The following HIVEP1 variants were observed in gnomAD, a reference collection of about 807,000 sequenced individuals.
HIVEP1 encodes the protein HIVEP zinc finger 1, also known as zinc finger protein 40.
Under a neutral mutation model 180.0 loss-of-function variants are expected in HIVEP1, and 36 were observed. The observed-to-expected ratio is 0.20, with a 90% confidence interval of 0.15 to 0.26. HIVEP1 has a LOEUF of 0.26. Among genes scored for constraint, HIVEP1 ranks in the 10% least tolerant of loss-of-function variants. HIVEP1 has a pLI of 1.00. For missense variants in HIVEP1, 3,143 were observed against 3,268.7 expected, an observed-to-expected ratio of 0.96 and a Z score of 0.94; for synonymous variants, 1,239 against 1,239.0, an observed-to-expected ratio of 1.00 and a Z score of 0.00.
At chr6:12,096,014 G>A (rs1042770334) in intron 3 of HIVEP1, among the ~76,000 whole-genome samples, 5 of 151,914 alleles carry the variant, frequency 3.3e-5, no homozygotes, top group African/African-American at 1.2e-4. Flanking sequence ...CATAGAGAAA[G>A]GTAGAGACTT....
intron 2 of HIVEP1, chr6:12,037,745 G>A: frequency 2.3e-6 from 1 of 428,636 alleles, no homozygotes; most frequent in Non-Finnish European, 4.2e-6. Flanking sequence ...CTTTTGCTCA[G>A]GCTGGAGTGC....
At chr6:12,100,185 T>A (rs1367568933) in intron 3 of HIVEP1, among the ~76,000 whole-genome samples, 1 of 152,242 alleles carries the variant, frequency 6.6e-6, no homozygotes, top group African/African-American at 2.4e-5. Context: ...CATTTCCCTG[T>A]TCTGGTAATA....
intron 3 of HIVEP1, among the ~76,000 whole-genome samples, chr6:12,110,772 T>G (rs970471110): frequency 6.6e-6 from 1 of 152,260 alleles, no homozygotes; most frequent in East Asian, 1.9e-4. Flanking sequence ...TCAATAACTT[T>G]GCCTTTGCAT....
Position 12,164,020 on chromosome 6 carries a change from A to G in HIVEP1, c.7716A>G (p.Pro2572=). The G allele has an allele frequency of 6.2e-7, 1 of 1,614,156 alleles. No homozygotes were observed. Among genetic ancestry groups the G allele is most frequent in the Non-Finnish European group, 8.5e-7 (1 of 1,180,044 alleles). The part of the protein sequence containing the change: ...AVDAQGAPEM[P]ASQSKACETQ... The stretch of plus-strand genomic sequence containing the variant: ...ATGCACAGGGAGCTCCAGAAATGCC[A>G]GCTTCCCAAAGCAAAGCATGCGAGA... The change falls in exon 9 of 9, where the codon CCA becomes CCG. Residue 2572 remains proline, a synonymous_variant. Transcript: ENST00000379388.
the HIVEP1 span, among the ~76,000 whole-genome samples, chr6:12,202,148 T>C: frequency 3.8e-4 from 58 of 152,200 alleles, 1 homozygote; most frequent in African/African-American, 1.2e-3. Flanking sequence ...TTTTCTTCTA[T>C]ATTTTATTTT....
At chr6:12,136,894 A>C (rs890136976) in intron 7 of HIVEP1, among the ~76,000 whole-genome samples, 3 of 152,216 alleles carry the variant, frequency 2.0e-5, no homozygotes, top group Non-Finnish European at 2.9e-5. Flanking sequence ...AGAAAAAAAA[A>C]ATTGAAAAAG....
intron 2 of HIVEP1, among the ~76,000 whole-genome samples, chr6:12,042,647 A>G (rs1045200545): frequency 5.3e-5 from 8 of 152,020 alleles, no homozygotes; most frequent in South Asian, 4.1e-4. Flanking sequence ...CATGTTTTCT[A>G]TTCTAACCTG....
At chr6:12,043,787 C>T (rs542335622) in intron 2 of HIVEP1, among the ~76,000 whole-genome samples, 1 of 152,262 alleles carries the variant, frequency 6.6e-6, no homozygotes, top group African/African-American at 2.4e-5. Context: ...TCAGCGTCCC[C>T]TTGCTGTGTT....
chr6:12,177,036 C>T, the HIVEP1 span, among the ~76,000 whole-genome samples: 1 of 152,158 alleles, frequency 6.6e-6, no homozygotes, highest in Admixed American at 6.5e-5. Context: ...AGCTGGAGGC[C>T]ATTAACTTCA....
intron 2 of HIVEP1, among the ~76,000 whole-genome samples, chr6:12,031,854 C>T (rs558978773): frequency 6.6e-6 from 1 of 152,226 alleles, no homozygotes; most frequent in South Asian, 2.1e-4. Flanking sequence ...TGCTGCATTT[C>T]CTATGAATGT....
the HIVEP1 span, among the ~76,000 whole-genome samples, chr6:12,193,380 G>A: frequency 1.4e-4 from 22 of 152,204 alleles, no homozygotes; most frequent in Middle Eastern, 3.4e-3. Context: ...TTCCATGAAG[G>A]ATGATTACAG....
Position 12,078,176 on chromosome 6 carries a change from A to T in HIVEP1, c.41-11008A>T, listed in dbSNP as rs183181653. On this transcript the variant is annotated intron_variant, in intron 2 of 8. Transcript: ENST00000379388. ...TACTCCTAGAGAAGGGATGTGAAAG[A>T]TGCCAAGCAAAGCATTGACTCAGCT... Among the ~76,000 whole-genome samples the T allele has an allele frequency of 1.2e-4, 18 of 152,330 alleles. No homozygotes were observed. In the East Asian group the frequency reaches 3.1e-3, roughly 26 times the overall value.
At chr6:12,040,852 G>A (rs1051451524) in intron 2 of HIVEP1, among the ~76,000 whole-genome samples, 1 of 151,784 alleles carries the variant, frequency 6.6e-6, no homozygotes, top group African/African-American at 2.4e-5. Context: ...TAGGCACATC[G>A]CATGGCAAGG....
At chr6:12,034,843 T>TGGGC (rs2113654686) in intron 2 of HIVEP1, among the ~76,000 whole-genome samples, 1 of 152,338 alleles carries the variant, frequency 6.6e-6, no homozygotes, top group Admixed American at 6.5e-5. Flanking sequence ...TTTCTTGACC[T>TGGGC]GGGCGTTGTA....
chr6:12,173,749 CA>C, the HIVEP1 span, among the ~76,000 whole-genome samples: 6 of 152,074 alleles, frequency 3.9e-5, no homozygotes, highest in Non-Finnish European at 5.9e-5. Flanking sequence ...CATTTGTTTT[CA>C]GTTACTTGAA....
At chr6:12,126,094 G>A (rs1459137814) in intron 4 of HIVEP1, among the ~76,000 whole-genome samples, 1 of 152,156 alleles carries the variant, frequency 6.6e-6, no homozygotes, top group Admixed American at 6.6e-5. Context: ...TTTTAGAAAT[G>A]ATTTACCCTG....
At chr6:12,209,597 C>T in the HIVEP1 span, among the ~76,000 whole-genome samples, 1 of 152,134 alleles carries the variant, frequency 6.6e-6, no homozygotes, top group African/African-American at 2.4e-5. Flanking sequence ...AGGGATAGTA[C>T]AGGACATGTA....
At position 12,164,058 on chromosome 6, in the gene HIVEP1, A is replaced by G; in HGVS notation, c.7754A>G (p.Gln2585Arg). The change falls in exon 9 of 9, where the codon CAG becomes CGG. Residue 2585 changes from glutamine (Q) to arginine (R), a missense_variant. By Grantham distance (43) the Gln-to-Arg change is conservative (BLOSUM62 1). Transcript: ENST00000379388. ...QSKACETQPK[Q>R]TSVASANQVS... ...AAAGCATGCGAGACACAACCCAAGCAGACTTCTGTAGCCAGCGCAAACCAG... is the reference window on the plus strand; with the variant it reads ...AAAGCATGCGAGACACAACCCAAGCGGACTTCTGTAGCCAGCGCAAACCAG... 1 of 1,614,168 alleles carries G rather than the reference A, an allele frequency of 6.2e-7. No homozygotes were observed. The highest frequency in any genetic ancestry group is 8.5e-7 in the Non-Finnish European group (1 of 1,180,036).
chr6:12,173,566 A>T, the HIVEP1 span, among the ~76,000 whole-genome samples: 1 of 152,192 alleles, frequency 6.6e-6, no homozygotes, highest in Non-Finnish European at 1.5e-5. Flanking sequence ...CTACATATAA[A>T]ACGTAACTTT....
Sources: gnomAD v4.1 joint callset for allele counts (sites outside exome capture counted in the v4.1 genomes callset) on GRCh38, gnomAD v4.1.1 for gene constraint, MANE v1.5 for transcripts, NCBI Gene and HGNC (gene_info 2026-07-23, HGNC 2026-07-21) for gene names.